The following COL4A5 variants were observed in gnomAD, a reference collection of about 807,000 sequenced individuals.
The protein encoded by COL4A5 is collagen alpha-5(IV) chain.
In COL4A5, 26 loss-of-function variants were observed where a neutral mutation model predicts 130.2. The observed-to-expected ratio is 0.20, with a 90% CI of 0.15 to 0.28. The LOEUF (loss-of-function observed/expected upper bound fraction) is 0.28, where lower values mean the gene tolerates loss of function less well. COL4A5 is among the 10% of genes least tolerant of loss of function. The pLI is 1.00. For synonymous variants in COL4A5, 496 were observed against 439.6 expected (o/e 1.13, Z -1.60); for missense variants, 1,131 against 1,344.3 (o/e 0.84, Z 2.48).
At chrX:108,504,555 C>T (rs746772043) in intron 1 of COL4A5, among the ~76,000 whole-genome samples, 2 of 111,506 alleles carry the variant, frequency 1.8e-5, no homozygotes, top group Non-Finnish European at 3.8e-5. Context: ...TCAAATAATC[C>T]CATCAAAATG....
chrX:108,525,183 T>C (rs2065300895), intron 1 of COL4A5, among the ~76,000 whole-genome samples: 1 of 112,137 alleles, frequency 8.9e-6, no homozygotes, highest in Admixed American at 9.5e-5. Context: ...TTGTTAGATG[T>C]ATCTGTGTTT....
At chrX:108,696,267 G>C in intron 52 of COL4A5, 30 bp from the exon 53 acceptor site, 1 of 1,120,571 alleles carries the variant, frequency 8.9e-7, no homozygotes, top group African/African-American at 1.8e-5. Context: ...AGAAAATGTG[G>C]ATCTGATTGT....
At chrX:108,632,098 A>G (rs1713652458) in intron 36 of COL4A5, among the ~76,000 whole-genome samples, 1 of 111,692 alleles carries the variant, frequency 9.0e-6, no homozygotes, top group Non-Finnish European at 1.9e-5. Flanking sequence ...AGTAAAGAAG[A>G]AAAGAGAGAA....
intron 30 of COL4A5, among the ~76,000 whole-genome samples, chrX:108,617,775 C>T (rs895855423): frequency 7.2e-5 from 8 of 111,349 alleles, no homozygotes; most frequent in African/African-American, 2.0e-4. Context: ...CAGAACCAAA[C>T]GTGTTATAGT....
chrX:108,511,578 T>C (rs182624934), intron 1 of COL4A5, among the ~76,000 whole-genome samples: 3 of 111,821 alleles, frequency 2.7e-5, no homozygotes, highest in African/African-American at 9.7e-5. Flanking sequence ...TAAGTTACAG[T>C]AATCAAGACT....
chrX:108,591,005 C>A, intron 19 of COL4A5, 53 bp from the exon 20 acceptor site: 1 of 1,073,537 alleles, frequency 9.3e-7, no homozygotes, highest in Non-Finnish European at 1.3e-6. Context: ...TCAATGAGAA[C>A]TAAAGTAACA....
intron 1 of COL4A5, among the ~76,000 whole-genome samples, chrX:108,456,460 G>A (rs1013622620): frequency 4.5e-5 from 5 of 111,737 alleles, no homozygotes; most frequent in East Asian, 2.8e-4. Context: ...TCTAGTAGTC[G>A]TGTCCATTTC....
intron 36 of COL4A5, among the ~76,000 whole-genome samples, chrX:108,635,684 C>G (rs974537123): frequency 5.4e-5 from 6 of 111,775 alleles, no homozygotes; most frequent in Admixed American, 1.9e-4. Context: ...ACTATGATAC[C>G]AGCACTGGGT....
At chrX:108,680,196 G>T (rs1388632147) in intron 44 of COL4A5, among the ~76,000 whole-genome samples, 1 of 112,003 alleles carries the variant, frequency 8.9e-6, no homozygotes, top group Non-Finnish European at 1.9e-5. Flanking sequence ...CAATGGGCAG[G>T]GGGTGTGTTC....
At chrX:108,575,868 T>G in intron 9 of COL4A5, 42 bp from the exon 10 acceptor site, 6 of 946,165 alleles carry the variant, frequency 6.3e-6, no homozygotes, top group Non-Finnish European at 7.5e-6. Context: ...AGGGGCTTGT[T>G]TTTCTTTTTT....
chrX:108,597,292 A>G (rs1469880705), intron 23 of COL4A5, 85 bp from the exon 24 acceptor site: 1 of 1,029,436 alleles, frequency 9.7e-7, no homozygotes, highest in Non-Finnish European at 1.4e-6. Context: ...TGGAGAGAAG[A>G]AAATGTTAGA....
chrX:108,624,197 A>T (rs1385917678), intron 33 of COL4A5, 39 bp from the exon 34 acceptor site: 1 of 1,065,797 alleles, frequency 9.4e-7, no homozygotes, highest in East Asian at 3.0e-5. Flanking sequence ...TGGATGAATA[A>T]TATCATCCTA....
chrX:108,477,985 C>A (rs1442771999), intron 1 of COL4A5, among the ~76,000 whole-genome samples: 1 of 110,390 alleles, frequency 9.1e-6, no homozygotes, highest in African/African-American at 3.3e-5. Context: ...GTTTTTTTTC[C>A]TGGTGGAGTG....
intron 36 of COL4A5, among the ~76,000 whole-genome samples, chrX:108,630,684 C>T (rs74495345): frequency 2.1e-4 from 23 of 111,907 alleles, no homozygotes; most frequent in African/African-American, 6.5e-4. Context: ...TCTATTTTGG[C>T]TTTTGTTGCC....
At chrX:108,444,317 T>TCA (rs2064431932) in intron 1 of COL4A5, among the ~76,000 whole-genome samples, 1 of 109,460 alleles carries the variant, frequency 9.1e-6, no homozygotes, top group Admixed American at 9.8e-5. Context: ...CCTCCCGGGT[T>TCA]CACACCATTC....
Position 108,559,153 on chromosome X carries a change from G to C in COL4A5, c.231G>C (p.Lys77Asn). 1.7e-6 allele frequency: 2 copies of C among 1,196,477 alleles called. No individual in the cohort carries two copies. The highest frequency in any genetic ancestry group is 2.3e-6 in the Non-Finnish European group (2 of 881,648). ...GGCCTCCGGGGCCTCGGGGACAAAAGGTATGTATCATGTTGCCAACCAGTA... is the reference window on the plus strand; with the variant it reads ...GGCCTCCGGGGCCTCGGGGACAAAACGTATGTATCATGTTGCCAACCAGTA... ...PEGPPGPRGQ[K>N]GDDGIPGPPG... The change falls in exon 3 of 53, where the codon AAG becomes AAC. Residue 77 changes from lysine (K) to asparagine (N), a missense_variant and splice_region_variant. Transcript: ENST00000328300.
intron 3 of COL4A5, 78 bp from the exon 4 acceptor site, chrX:108,563,804 C>T: frequency 1.2e-6 from 1 of 842,026 alleles, no homozygotes; most frequent in East Asian, 3.2e-5. Flanking sequence ...TAGTTTAAAT[C>T]TCCTATTTTA....
intron 42 of COL4A5, among the ~76,000 whole-genome samples, chrX:108,671,496 C>T (rs1205887972): frequency 1.8e-5 from 2 of 111,704 alleles, no homozygotes; most frequent in Non-Finnish European, 3.8e-5. Context: ...TTACCTATGT[C>T]GAGGAGAAAT....
At chrX:108,461,946 T>G (rs765005792) in intron 1 of COL4A5, among the ~76,000 whole-genome samples, 2 of 111,880 alleles carry the variant, frequency 1.8e-5, no homozygotes, top group Non-Finnish European at 3.8e-5. Context: ...AAAAGTATTA[T>G]AAAAGGCAAG....
Sources: allele counts gnomAD v4.1 joint callset (sites outside exome capture counted in the v4.1 genomes callset), GRCh38; gene constraint gnomAD v4.1.1; transcripts MANE v1.5; gene names NCBI Gene and HGNC (gene_info 2026-07-23, HGNC 2026-07-21).